Variants in ERCC6L2 observed in about 807,000 individuals in gnomAD.
ERCC6L2 encodes ERCC excision repair 6 like 2.
Under a neutral mutation model 132.0 loss-of-function variants are expected in ERCC6L2, and 77 were observed. The observed-to-expected ratio is 0.58, with a 90% CI of 0.49 to 0.71. The LOEUF is 0.71. Ranked by LOEUF, ERCC6L2 falls within the 30% of genes least tolerant of loss-of-function variation. The probability of loss-of-function intolerance (pLI) is 0.00; values close to 1 mark genes in which losing one functional copy is unlikely to be tolerated. For missense variants in ERCC6L2, 1,542 were observed against 1,837.6 expected (o/e 0.84, Z 2.94); for synonymous variants, 583 against 632.4 (o/e 0.92, Z 1.17).
intron 17 of ERCC6L2, among the ~76,000 whole-genome samples, chr9:95,991,691 A>G (rs553995934): frequency 5.3e-5 from 8 of 152,240 alleles, no homozygotes; most frequent in Non-Finnish European, 1.2e-4. Context: ...CACCTTCCCA[A>G]TACGTATTTT....
intron 19 of ERCC6L2, among the ~76,000 whole-genome samples, chr9:96,029,078 G>A (rs1159758103): frequency 6.6e-6 from 1 of 152,086 alleles, no homozygotes; most frequent in Admixed American, 6.6e-5. Context: ...GTCAAGGTGG[G>A]CGGATCACAA....
chr9:96,020,294 C>G (rs960593637), downstream of ERCC6L2: 1 of 168,970 alleles, frequency 5.9e-6, no homozygotes. Flanking sequence ...TATTAAAATT[C>G]AAGGTGAGAT....
intron 4 of ERCC6L2, among the ~76,000 whole-genome samples, chr9:95,913,302 T>C (rs1241078005): frequency 6.6e-6 from 1 of 152,234 alleles, no homozygotes; most frequent in Non-Finnish European, 1.5e-5. Context: ...TCTCCATTAA[T>C]TAGGAATTAA....
In ERCC6L2 at chr9:95,999,159, G is replaced by C. The variant is rs1833569378; in HGVS notation, c.3493-5361G>C. Among the ~76,000 whole-genome samples, 7 of 152,136 alleles carry C rather than the reference G, an allele frequency of 4.6e-5. No individual in the cohort carries two copies. In the South Asian group the frequency reaches 1.5e-3, roughly 32 times the overall value. ...GCAGATCACGAAGTCAGGAGATCTA[G>C]ACCATCCTGGCTAACAGGGTGAAAC... On this transcript the variant is annotated intron_variant, in intron 17 of 18. Transcript: ENST00000653738.
chr9:95,964,851 G>A (rs1260333655), intron 13 of ERCC6L2, among the ~76,000 whole-genome samples: 2 of 152,036 alleles, frequency 1.3e-5, no homozygotes, highest in Non-Finnish European at 2.9e-5. Flanking sequence ...AGCCACTTTA[G>A]TACAAAATAA....
Position 95,916,487 on chromosome 9 carries a change from C to CT in ERCC6L2, c.1158+58dup, listed in dbSNP as rs1156414872. 12 of 1,385,216 alleles carry CT rather than the reference C, an allele frequency of 8.7e-6. No homozygotes were observed. In the African/African-American group the frequency reaches 1.8e-4, roughly 21 times the overall value. 85.8% of individuals were successfully genotyped at this position (1,385,216 alleles called of 1,614,324 possible). A position where few individuals can be genotyped will look rare whatever the true frequency, so the allele number is the denominator to read the frequency against. On this transcript the variant is annotated intron_variant, in intron 6 of 18. Transcript: ENST00000653738. ...AATTTGTGGTCATATTTTTTTTTTC[C>CT]TTTTTAAGAAAAAGTCTGTCTCCTG...
Position 95,971,981 on chromosome 9 carries a change from G to A in ERCC6L2, c.2230G>A (p.Glu744Lys), listed in dbSNP as rs1832433853. The A allele has an allele frequency of 7.7e-7, 1 of 1,304,086 alleles. No homozygotes were observed. Among genetic ancestry groups the A allele is most frequent in the Non-Finnish European group, 1.0e-6 (1 of 988,890 alleles). 80.8% of individuals were successfully genotyped at this position (1,304,086 alleles called of 1,614,324 possible). A position where few individuals can be genotyped will look rare whatever the true frequency, so the allele number is the denominator to read the frequency against. The part of the protein sequence containing the change: ...QECRGTEQAA[E>K]PLAKEACDLC... Reference sequence around the variant, plus strand: ...ATGCAGAGGTACAGAACAAGCTGCAGAGCCACTGGCAAAGGAAGCATGTGA... The same window carrying A: ...ATGCAGAGGTACAGAACAAGCTGCAAAGCCACTGGCAAAGGAAGCATGTGA... Residue 744 changes from glutamate to lysine, a missense_variant, in exon 16 of 19, where the codon GAG (glutamate) becomes AAG (lysine). Glu to Lys is a moderately conservative substitution (Grantham distance 56, BLOSUM62 1). This residue lies in a region of ERCC6L2 where 945 missense variants were observed against 1,105.2 expected (regional missense o/e 0.86). Transcript: ENST00000653738.
intron 12 of ERCC6L2, among the ~76,000 whole-genome samples, chr9:95,949,569 AAAC>A (rs1831232175): frequency 6.6e-6 from 1 of 151,938 alleles, no homozygotes; most frequent in African/African-American, 2.4e-5. Flanking sequence ...GGGGAAAAAA[AAAC>A]AAACAAACTG....
chr9:95,921,200 T>G lies in ERCC6L2; in HGVS notation c.1184T>G (p.Phe395Cys). 1 of 1,612,694 alleles carries G rather than the reference T, an allele frequency of 6.2e-7. No homozygotes were observed. Among genetic ancestry groups the G allele is most frequent in the Non-Finnish European group, 8.5e-7 (1 of 1,179,280 alleles). ...DRMVYCSLTD[F>C]QKAVYQTVLE... ...ATGGTGTATTGTTCTTTGACAGATT[T>G]CCAGAAAGCTGTCTATCAAACAGTG... The change falls in exon 7 of 19, where the codon TTC becomes TGC. Residue 395 changes from phenylalanine to cysteine, a missense_variant. This residue lies in a region of ERCC6L2 where 945 missense variants were observed against 1,105.2 expected (regional missense o/e 0.86). Coordinates refer to ENST00000653738, the MANE Select transcript of ERCC6L2 (RefSeq NM_020207.7).
chr9:95,930,405 T>C (rs190728145), intron 11 of ERCC6L2, among the ~76,000 whole-genome samples: 6 of 152,288 alleles, frequency 3.9e-5, no homozygotes, highest in Non-Finnish European at 7.4e-5. Context: ...AAAAGACACA[T>C]AAGCTCAGTT....
rs1373642257 is a variant in ERCC6L2, at chr9:96,012,462, A to G, written c.3912A>G (p.Ile1304Met). The change falls in exon 19 of 19, where the codon ATA (isoleucine) becomes ATG (methionine). Residue 1304 changes from isoleucine to methionine, a missense_variant. Physicochemically the swap from Ile to Met is conservative, Grantham distance 10. Transcript: ENST00000653738. ...RKKSDKRESL[I>M]KPRLSDSETL... ...AATCTGATAAAAGAGAATCTCTTAT[A>G]AAACCAAGGCTGTCAGATTCTGAAA... 1.5e-6 allele frequency: 2 copies of G among 1,366,974 alleles called. No individual in the cohort carries two copies. The highest frequency in any genetic ancestry group is 2.0e-6 in the Non-Finnish European group (2 of 1,021,684). The allele number at this position is 1,366,974 out of a possible 1,614,324, so 84.7% of individuals were successfully genotyped here. A position where few individuals can be genotyped will look rare whatever the true frequency, so the allele number is the denominator to read the frequency against.
chr9:96,039,650 C>T (rs1042504216), intron 20 of ERCC6L2, among the ~76,000 whole-genome samples: 1 of 152,064 alleles, frequency 6.6e-6, no homozygotes, highest in African/African-American at 2.4e-5. Flanking sequence ...GTGAAGGTGG[C>T]CTCTTGGGGT....
At chr9:95,920,784 C>G (rs891847257) in intron 6 of ERCC6L2, among the ~76,000 whole-genome samples, 1 of 152,022 alleles carries the variant, frequency 6.6e-6, no homozygotes, top group African/African-American at 2.4e-5. Flanking sequence ...GCAATTTTCA[C>G]TATTTTTTTT....
chr9:95,896,259 T>G (rs910068180), intron 2 of ERCC6L2, among the ~76,000 whole-genome samples: 3 of 152,230 alleles, frequency 2.0e-5, no homozygotes, highest in Admixed American at 6.5e-5. Context: ...TACCCTTCAT[T>G]CTTGAATATC....
At chr9:96,018,789 G>A (rs933692841), downstream of ERCC6L2, among the ~76,000 whole-genome samples, 2 of 152,068 alleles carry the variant, frequency 1.3e-5, no homozygotes, top group Non-Finnish European at 2.9e-5. Context: ...AAACTATGAT[G>A]TTTATATTTA....
Position 95,898,754 on chromosome 9 carries a change from A to G in ERCC6L2, c.594+783A>G, listed in dbSNP as rs1487216189. ...AGCTACTTACAGCAAGTTTTAAAAC[A>G]GACTCTTTTATACAAGTCTTATGTA... On this transcript the variant is annotated intron_variant, in intron 3 of 18. Transcript: ENST00000653738. Among the ~76,000 whole-genome samples, 10 of 152,334 alleles carry G rather than the reference A, an allele frequency of 6.6e-5. No individual in the cohort carries two copies. In the East Asian group the frequency reaches 1.4e-3, roughly 21 times the overall value.
At chr9:95,956,784 G>T (rs981933995) in intron 13 of ERCC6L2, among the ~76,000 whole-genome samples, 1 of 152,144 alleles carries the variant, frequency 6.6e-6, no homozygotes, top group Non-Finnish European at 1.5e-5. Flanking sequence ...CTGGATCCCT[G>T]CCACAGCATG....
chr9:96,013,145 A>G lies in ERCC6L2; in HGVS notation c.4595A>G (p.Lys1532Arg), dbSNP rs751077383. The G allele has an allele frequency of 7.3e-6, 10 of 1,367,126 alleles. No homozygotes were observed. The highest frequency in any genetic ancestry group is 3.8e-5 in the Admixed American group (2 of 52,432). The allele number at this position is 1,367,126 out of a possible 1,614,324, so 84.7% of individuals were successfully genotyped here. A position where few individuals can be genotyped will look rare whatever the true frequency, so the allele number is the denominator to read the frequency against. The change falls in exon 19 of 19, where the codon AAG becomes AGG. Residue 1532 changes from lysine (K) to arginine (R), a missense_variant. Lys to Arg is a conservative substitution (Grantham distance 26, BLOSUM62 2). Coordinates refer to ENST00000653738, the MANE Select transcript of ERCC6L2 (RefSeq NM_020207.7). ...LWKSNEKFLWKKFSPSDTDEN... is the reference protein window; with the variant it reads ...LWKSNEKFLWRKFSPSDTDEN... ...AAATCAAATGAGAAATTTTTATGGA[A>G]GAAATTTAGCCCAAGTGATACAGAT...
intron 11 of ERCC6L2, among the ~76,000 whole-genome samples, chr9:95,934,063 T>C (rs1830457132): frequency 6.6e-6 from 1 of 152,084 alleles, no homozygotes; most frequent in Non-Finnish European, 1.5e-5. Flanking sequence ...TGTGATACAG[T>C]GTAGGCAGCT....
Sources: gnomAD v4.1 joint callset for allele counts (sites outside exome capture counted in the v4.1 genomes callset) on GRCh38, gnomAD v4.1.1 for gene constraint, gnomAD v4.1.1 regional missense constraint, MANE v1.5 for transcripts, NCBI Gene and HGNC (gene_info 2026-07-23, HGNC 2026-07-21) for gene names.